The following DGKB variants were observed in gnomAD, a reference collection of about 807,000 sequenced individuals.
DGKB encodes diacylglycerol kinase beta, also known as 90 kDa diacylglycerol kinase.
In DGKB, 67 loss-of-function variants were observed where a neutral mutation model predicts 114.3. That is an observed-to-expected ratio of 0.59 (90% CI 0.48 to 0.72). The LOEUF (loss-of-function observed/expected upper bound fraction) is 0.72, where lower values mean the gene tolerates loss of function less well. Among genes scored for constraint, DGKB ranks in the 30% least tolerant of loss-of-function variants. The pLI is 0.00. For missense variants in DGKB, 907 were observed against 975.2 expected, an observed-to-expected ratio of 0.93 and a Z score of 0.93; for synonymous variants, 398 against 323.1, an observed-to-expected ratio of 1.23 and a Z score of -2.49.
At chr7:14,186,784 C>T (rs796621070) in intron 23 of DGKB, among the ~76,000 whole-genome samples, 16 of 152,134 alleles carry the variant, frequency 1.1e-4, no homozygotes, top group African/African-American at 3.6e-4. Flanking sequence ...AACCAAACGT[C>T]GTATGTTCTC....
chr7:14,580,826 G>C, intron 19 of DGKB, 36 bp downstream of exon 19: 1 of 1,462,328 alleles, frequency 6.8e-7, no homozygotes, highest in Non-Finnish European at 9.5e-7. Flanking sequence ...GGGGTGTTGT[G>C]TACTGTTTCT....
intron 1 of DGKB, among the ~76,000 whole-genome samples, chr7:14,909,548 C>A (rs1214236225): frequency 6.6e-6 from 1 of 151,824 alleles, no homozygotes; most frequent in Non-Finnish European, 1.5e-5. Flanking sequence ...ATAGTTATAC[C>A]CAGCCCAATG....
chr7:14,657,553 G>T (rs1306956232), intron 13 of DGKB, among the ~76,000 whole-genome samples: 1 of 151,848 alleles, frequency 6.6e-6, no homozygotes, highest in Admixed American at 6.6e-5. Flanking sequence ...GATGACATAG[G>T]ATTTCAAGGA....
At chr7:14,802,835 AT>A (rs1404527663) in intron 2 of DGKB, among the ~76,000 whole-genome samples, 1 of 152,100 alleles carries the variant, frequency 6.6e-6, no homozygotes, top group Non-Finnish European at 1.5e-5. Context: ...CGCCTTGCTA[AT>A]TTTTTATACG....
intron 21 of DGKB, among the ~76,000 whole-genome samples, chr7:14,378,591 T>C (rs934025401): frequency 1.3e-5 from 2 of 152,112 alleles, no homozygotes; most frequent in African/African-American, 4.8e-5. Flanking sequence ...ACAATCAATA[T>C]TTGTAGAGGA....
At chr7:14,843,856 G>C (rs1848283995) in intron 1 of DGKB, among the ~76,000 whole-genome samples, 1 of 77,936 alleles carries the variant, frequency 1.3e-5, no homozygotes, top group Admixed American at 1.4e-4. Context: ...CAGCTTTATT[G>C]AGAGCTTACA....
chr7:14,244,024 T>TGA (rs1009884153), intron 23 of DGKB, among the ~76,000 whole-genome samples: 12 of 148,314 alleles, frequency 8.1e-5, no homozygotes, highest in East Asian at 4.1e-4. Flanking sequence ...TGAGAGATTC[T>TGA]GAGAGAGAGA....
intron 2 of DGKB, among the ~76,000 whole-genome samples, chr7:14,807,483 T>A (rs1173579580): frequency 6.6e-6 from 1 of 152,050 alleles, no homozygotes; most frequent in African/African-American, 2.4e-5. Flanking sequence ...AACATGGTTT[T>A]TCTCCTACTC....
chr7:14,411,959 TTAAG>T (rs1824954828), intron 21 of DGKB, among the ~76,000 whole-genome samples: 1 of 152,206 alleles, frequency 6.6e-6, no homozygotes, highest in African/African-American at 2.4e-5. Context: ...AGTAAAATGC[TTAAG>T]TGATATTGAT....
At chr7:14,639,479 C>CT (rs1332793736) in intron 13 of DGKB, among the ~76,000 whole-genome samples, 2 of 152,168 alleles carry the variant, frequency 1.3e-5, no homozygotes, top group Non-Finnish European at 2.9e-5. Context: ...TCACCAGCTG[C>CT]TATGAGTGTT....
At chr7:14,806,564 C>T (rs1486490134) in intron 2 of DGKB, among the ~76,000 whole-genome samples, 4 of 151,880 alleles carry the variant, frequency 2.6e-5, no homozygotes, top group Non-Finnish European at 5.9e-5. Flanking sequence ...TAGATTTTAA[C>T]GTGAAAATAT....
At chr7:14,402,348 A>G (rs2128728276) in intron 21 of DGKB, among the ~76,000 whole-genome samples, 1 of 152,014 alleles carries the variant, frequency 6.6e-6, no homozygotes, top group African/African-American at 2.4e-5. Context: ...TCCTACCCAT[A>G]TCAATGCCTA....
intron 1 of DGKB, among the ~76,000 whole-genome samples, chr7:14,843,140 C>A (rs1334858050): frequency 6.6e-6 from 1 of 151,282 alleles, no homozygotes; most frequent in Non-Finnish European, 1.5e-5. Flanking sequence ...TCACTGGAGC[C>A]CAGGAGGCTG....
intron 21 of DGKB, among the ~76,000 whole-genome samples, chr7:14,373,399 T>C (rs1479056127): frequency 6.6e-6 from 1 of 152,190 alleles, no homozygotes; most frequent in Non-Finnish European, 1.5e-5. Context: ...AACTGTTGTA[T>C]TGCATAAAAA....
intron 2 of DGKB, among the ~76,000 whole-genome samples, chr7:14,788,100 G>A (rs956774684): frequency 2.0e-5 from 3 of 152,186 alleles, no homozygotes; most frequent in Non-Finnish European, 4.4e-5. Context: ...GTTGGGAAAG[G>A]GTATCCTCTG....
intron 21 of DGKB, among the ~76,000 whole-genome samples, chr7:14,444,856 T>A (rs1048040088): frequency 6.6e-6 from 1 of 151,834 alleles, no homozygotes; most frequent in South Asian, 2.1e-4. Flanking sequence ...AAGAGTGGTA[T>A]AAAAGAGCAT....
chr7:14,182,033 A>T (rs1202072935), intron 23 of DGKB, among the ~76,000 whole-genome samples: 2 of 152,176 alleles, frequency 1.3e-5, no homozygotes, highest in African/African-American at 2.4e-5. Flanking sequence ...TTTCACTAAC[A>T]TGTAATTGAA....
At chr7:14,793,325 TG>T (rs1562549679) in intron 2 of DGKB, among the ~76,000 whole-genome samples, 1 of 152,124 alleles carries the variant, frequency 6.6e-6, no homozygotes, top group Non-Finnish European at 1.5e-5. Context: ...CCTGCCTGAT[TG>T]GGTCATGCAT....
At chr7:14,308,155 C>A (rs1043080780) in intron 23 of DGKB, among the ~76,000 whole-genome samples, 14 of 151,634 alleles carry the variant, frequency 9.2e-5, no homozygotes, top group African/African-American at 3.4e-4. Flanking sequence ...TAAAGATAAC[C>A]CGTATAGTTT....
Sources: gnomAD v4.1 joint callset for allele counts (sites outside exome capture counted in the v4.1 genomes callset) on GRCh38, gnomAD v4.1.1 for gene constraint, MANE v1.5 for transcripts, NCBI Gene and HGNC (gene_info 2026-07-23, HGNC 2026-07-21) for gene names.